Variants in SYNPR observed in about 807,000 individuals in gnomAD.
SYNPR encodes synaptoporin.
SYNPR carries 23 observed loss-of-function variants against 32.9 expected under a neutral mutation model. The ratio of observed to expected loss-of-function variants is 0.70; its 90% CI spans 0.50 to 0.99. The LOEUF (loss-of-function observed/expected upper bound fraction) is 0.99, where lower values mean the gene tolerates loss of function less well. SYNPR is among the 50% of genes least tolerant of loss of function. SYNPR has a pLI of 0.00. For missense variants in SYNPR, 318 were observed against 349.3 expected, an observed-to-expected ratio of 0.91 and a Z score of 0.71; for synonymous variants, 146 against 135.9, an observed-to-expected ratio of 1.07 and a Z score of -0.52.
chr3:63,600,402 A>G (rs1353555676), intron 4 of SYNPR, among the ~76,000 whole-genome samples: 2 of 152,122 alleles, frequency 1.3e-5, no homozygotes, highest in African/African-American at 4.8e-5. Flanking sequence ...GCCAGTGGGG[A>G]GCCTCAGCAG....
chr3:63,397,707 C>T (rs1227913459), intron 2 of SYNPR, among the ~76,000 whole-genome samples: 1 of 152,136 alleles, frequency 6.6e-6, no homozygotes, highest in Non-Finnish European at 1.5e-5. Context: ...TCAACCTATA[C>T]CCTGCCACTG....
At chr3:63,390,386 G>A (rs1403800574) in intron 2 of SYNPR, among the ~76,000 whole-genome samples, 3 of 152,176 alleles carry the variant, frequency 2.0e-5, no homozygotes, top group African/African-American at 4.8e-5. Context: ...GCCTTTTGAT[G>A]TGAGCCACTG....
At chr3:63,257,503 C>T (rs1352407463) in intron 2 of SYNPR, among the ~76,000 whole-genome samples, 3 of 151,972 alleles carry the variant, frequency 2.0e-5, no homozygotes, top group South Asian at 4.1e-4. Context: ...AAATCCTTTA[C>T]AGACAAGCAA....
At chr3:63,417,203 G>A (rs1242902128) in intron 2 of SYNPR, among the ~76,000 whole-genome samples, 1 of 152,176 alleles carries the variant, frequency 6.6e-6, no homozygotes, top group Non-Finnish European at 1.5e-5. Flanking sequence ...CAAAGAAAGG[G>A]GCCAGAGGCC....
chr3:63,340,461 C>T, intron 2 of SYNPR, among the ~76,000 whole-genome samples: 1 of 146,472 alleles, frequency 6.8e-6, no homozygotes, highest in Non-Finnish European at 1.5e-5. Context: ...ACTCTGTTGC[C>T]CAGGCTGGAG....
chr3:63,530,563 C>T (rs111366548), intron 3 of SYNPR, among the ~76,000 whole-genome samples: 18 of 152,260 alleles, frequency 1.2e-4, no homozygotes, highest in South Asian at 4.1e-4. Flanking sequence ...GGGAAGCATG[C>T]GTTCCATTAA....
At chr3:63,508,822 A>G (rs1298018530) in intron 3 of SYNPR, among the ~76,000 whole-genome samples, 1 of 152,096 alleles carries the variant, frequency 6.6e-6, no homozygotes, top group Non-Finnish European at 1.5e-5. Context: ...ATCCCTTAGA[A>G]AGGGAAAGCT....
intron 3 of SYNPR, among the ~76,000 whole-genome samples, chr3:63,515,157 C>T (rs1250513462): frequency 1.3e-5 from 2 of 151,778 alleles, no homozygotes; most frequent in Admixed American, 6.6e-5. Context: ...ATTATTTCTG[C>T]CCCCCCATCT....
At position 63,231,391 on chromosome 3, in the gene SYNPR, G is replaced by T. The variant is rs138299910; in HGVS notation, n.66+3011G>T. ...ATTGGATACAATGTATGCTGCTCAG[G>T]TGATGGGTGCACCAAAATCTCAGAA... is the stretch of plus-strand genomic sequence containing the variant. On this transcript the variant is annotated intron_variant and non_coding_transcript_variant, in intron 1 of 4. Coordinates refer to the SYNPR transcript ENST00000478456. Among the ~76,000 whole-genome samples the T allele has an allele frequency of 7.5e-3, 1,147 of 152,154 alleles. 15 individuals carry two copies. The highest frequency in any genetic ancestry group is 0.025 in the African/African-American group (1,049 of 41,498).
intron 2 of SYNPR, among the ~76,000 whole-genome samples, chr3:63,402,238 C>T (rs746893741): frequency 3.5e-4 from 53 of 152,146 alleles, no homozygotes; most frequent in Non-Finnish European, 5.6e-4. Context: ...AGCAGCATCC[C>T]GGGCCTCTAA....
In SYNPR at chr3:63,232,307, T is replaced by C. The variant is rs879449928; in HGVS notation, n.66+3927T>C. Among the ~76,000 whole-genome samples, 10 of 146,954 alleles carry C rather than the reference T, an allele frequency of 6.8e-5. No homozygotes were observed. The South Asian group carries it at 2.0e-3, about 30-fold the overall frequency. On this transcript the variant is annotated intron_variant and non_coding_transcript_variant, in intron 1 of 4. Coordinates refer to the SYNPR transcript ENST00000478456. ...ACCTCCCCGTCCCAGGTTCAAATGATTCTCGTGCCTCAGCCTCCCAGGTAG... is the reference window on the plus strand; with the variant it reads ...ACCTCCCCGTCCCAGGTTCAAATGACTCTCGTGCCTCAGCCTCCCAGGTAG...
chr3:63,373,925 T>A (rs922232873), intron 2 of SYNPR, among the ~76,000 whole-genome samples: 1 of 152,182 alleles, frequency 6.6e-6, no homozygotes, highest in Non-Finnish European at 1.5e-5. Context: ...GGGGCCTATG[T>A]TCAGAATTGA....
chr3:63,454,953 CAT>C (rs1422452776), intron 2 of SYNPR, among the ~76,000 whole-genome samples: 4 of 152,092 alleles, frequency 2.6e-5, no homozygotes, highest in African/African-American at 9.7e-5. Context: ...ATGTGGAAAA[CAT>C]ATTAGGTTAT....
At chr3:63,501,587 G>A (rs1220490189) in intron 3 of SYNPR, among the ~76,000 whole-genome samples, 3 of 151,870 alleles carry the variant, frequency 2.0e-5, no homozygotes, top group Admixed American at 6.6e-5. Flanking sequence ...ACACGGTCTG[G>A]CACATGATAA....
chr3:63,520,036 T>C (rs1701875697), intron 3 of SYNPR, among the ~76,000 whole-genome samples: 2 of 152,208 alleles, frequency 1.3e-5, no homozygotes, highest in South Asian at 4.1e-4. Context: ...TGGAGTCAGA[T>C]GGTAGGTTCT....
intron 2 of SYNPR, among the ~76,000 whole-genome samples, chr3:63,386,889 T>C (rs1382667554): frequency 6.6e-6 from 1 of 152,210 alleles, no homozygotes; most frequent in East Asian, 1.9e-4. Context: ...GAGGAAAGCC[T>C]CACCAAGACA....
chr3:63,406,160 G>T (rs2088356607), intron 2 of SYNPR, among the ~76,000 whole-genome samples: 1 of 151,588 alleles, frequency 6.6e-6, no homozygotes, highest in Non-Finnish European at 1.5e-5. Flanking sequence ...AACGAGATGA[G>T]GATAACATTC....
chr3:63,519,843 T>C (rs1223257528), intron 3 of SYNPR, among the ~76,000 whole-genome samples: 1 of 152,220 alleles, frequency 6.6e-6, no homozygotes, highest in Non-Finnish European at 1.5e-5. Context: ...ATGAGATTTA[T>C]TTTAAAAATT....
chr3:63,562,461 C>G (rs1386382791), intron 4 of SYNPR, among the ~76,000 whole-genome samples: 3 of 152,132 alleles, frequency 2.0e-5, no homozygotes, highest in Non-Finnish European at 4.4e-5. Flanking sequence ...AAGACAGAGG[C>G]TATGTTATTC....
Sources: gnomAD v4.1 joint callset for allele counts (sites outside exome capture counted in the v4.1 genomes callset) on GRCh38, gnomAD v4.1.1 for gene constraint, MANE v1.5 for transcripts, NCBI Gene and HGNC (gene_info 2026-07-23, HGNC 2026-07-21) for gene names.